The following ABCD2 variants were observed in gnomAD, a reference collection of about 807,000 sequenced individuals.
ABCD2 encodes ATP binding cassette subfamily D member 2.
A neutral mutation model predicts 70.9 loss-of-function variants in ABCD2; 36 were observed. The observed-to-expected ratio is 0.51, with a 90% CI of 0.39 to 0.67. The LOEUF (loss-of-function observed/expected upper bound fraction) is 0.67, where lower values mean the gene tolerates loss of function less well. Among genes scored for constraint, ABCD2 ranks in the 30% least tolerant of loss-of-function variants. The probability of loss-of-function intolerance (pLI) is 0.00; values close to 1 mark genes in which losing one functional copy is unlikely to be tolerated. For synonymous variants in ABCD2, 304 were observed against 306.9 expected (o/e 0.99, Z 0.10); for missense variants, 729 against 890.2 (o/e 0.82, Z 2.30).
At chr12:39,564,756 G>A (rs1297301358) in intron 9 of ABCD2, among the ~76,000 whole-genome samples, 1 of 152,082 alleles carries the variant, frequency 6.6e-6, no homozygotes, top group African/African-American at 2.4e-5. Flanking sequence ...GGTTTTTATG[G>A]TTTTAGGTCT....
At chr12:39,573,615 G>T in intron 9 of ABCD2, 101 bp downstream of exon 9, 1 of 1,292,250 alleles carries the variant, frequency 7.7e-7, no homozygotes, top group African/African-American at 1.5e-5. Flanking sequence ...TAGAAAATAA[G>T]TGAAATACCC....
At chr12:39,570,502 A>T (rs1312304945) in intron 9 of ABCD2, among the ~76,000 whole-genome samples, 2 of 152,212 alleles carry the variant, frequency 1.3e-5, no homozygotes, top group African/African-American at 4.8e-5. Context: ...AGTATCCTCA[A>T]TAAATTGTGG....
At chr12:39,611,763 T>A (rs1942047859) in intron 2 of ABCD2, among the ~76,000 whole-genome samples, 2 of 152,114 alleles carry the variant, frequency 1.3e-5, no homozygotes, top group South Asian at 4.1e-4. Context: ...AAAGGCCAGA[T>A]GTAGGGTGGG....
the ABCD2 span, among the ~76,000 whole-genome samples, chr12:39,544,468 C>T: frequency 2.0e-5 from 3 of 152,124 alleles, no homozygotes; most frequent in Non-Finnish European, 2.9e-5. Context: ...TGGGAAAGGG[C>T]TGTTACTGTC....
At chr12:39,605,345 T>A (rs1353049589) in intron 3 of ABCD2, among the ~76,000 whole-genome samples, 1 of 152,090 alleles carries the variant, frequency 6.6e-6, no homozygotes, top group Non-Finnish European at 1.5e-5. Flanking sequence ...GAAAAGTACC[T>A]TTTTGTCCTA....
At chr12:39,583,123 G>C (rs1941619747) in intron 7 of ABCD2, among the ~76,000 whole-genome samples, 1 of 152,150 alleles carries the variant, frequency 6.6e-6, no homozygotes, top group South Asian at 2.1e-4. Context: ...GCCTCCCAAA[G>C]TGCTGGGATT....
At chr12:39,566,487 AT>A (rs1210934561) in intron 9 of ABCD2, among the ~76,000 whole-genome samples, 1 of 152,070 alleles carries the variant, frequency 6.6e-6, no homozygotes, top group Non-Finnish European at 1.5e-5. Flanking sequence ...TCCCTTTATC[AT>A]TTTTTATTGC....
downstream of ABCD2, among the ~76,000 whole-genome samples, chr12:39,549,762 T>A (rs1419786657): frequency 2.6e-5 from 4 of 151,946 alleles, no homozygotes; most frequent in East Asian, 5.8e-4. Flanking sequence ...TATGTGGACT[T>A]GCATAGGCTT....
At chr12:39,586,089 T>C in intron 7 of ABCD2, 63 bp downstream of exon 7, 2 of 1,456,444 alleles carry the variant, frequency 1.4e-6, no homozygotes, top group Non-Finnish European at 1.9e-6. Context: ...AGACTAAATA[T>C]ATACCCAAGC....
At chr12:39,614,913 A>G (rs1942095583) in intron 2 of ABCD2, among the ~76,000 whole-genome samples, 1 of 152,008 alleles carries the variant, frequency 6.6e-6, no homozygotes, top group Admixed American at 6.6e-5. Context: ...AAATTCTTAC[A>G]TTACTTTTCT....
At chr12:39,607,818 A>G in intron 2 of ABCD2, 104 bp from the exon 3 acceptor site, 1 of 770,874 alleles carries the variant, frequency 1.3e-6, no homozygotes, top group East Asian at 2.8e-5. Context: ...AAACAACCAC[A>G]TATTAATTTT....
intron 6 of ABCD2, among the ~76,000 whole-genome samples, chr12:39,594,449 C>G (rs1182171220): frequency 6.6e-6 from 1 of 152,040 alleles, no homozygotes; most frequent in South Asian, 2.1e-4. Context: ...GTTCAGGATG[C>G]CTAGGACCCA....
downstream of ABCD2, among the ~76,000 whole-genome samples, chr12:39,545,300 A>AT (rs1479891269): frequency 2.6e-5 from 4 of 151,790 alleles, no homozygotes; most frequent in South Asian, 2.1e-4. Flanking sequence ...CTCAGGTAAG[A>AT]TTTTTTTTTG....
At chr12:39,598,112 C>T (rs1941844388) in intron 6 of ABCD2, among the ~76,000 whole-genome samples, 1 of 152,122 alleles carries the variant, frequency 6.6e-6, no homozygotes. Flanking sequence ...TTCTTTCTTC[C>T]GTATACTACA....
the ABCD2 span, among the ~76,000 whole-genome samples, chr12:39,535,499 T>A: frequency 9.8e-5 from 15 of 152,314 alleles, no homozygotes; most frequent in African/African-American, 3.4e-4. Context: ...TTAATTCACT[T>A]CAAATAAAGT....
intron 6 of ABCD2, among the ~76,000 whole-genome samples, chr12:39,590,887 T>C (rs928832031): frequency 1.3e-5 from 2 of 152,016 alleles, no homozygotes; most frequent in African/African-American, 4.8e-5. Flanking sequence ...AGCTTCTGAA[T>C]GACACAAAAT....
Position 39,552,512 on chromosome 12 carries a change from T to C in ABCD2, c.*1400A>G, listed in dbSNP as rs907658395. 6.6e-6 allele frequency: 1 copy of C among 151,952 alleles called. No homozygotes were observed. The highest frequency in any genetic ancestry group is 1.5e-5 in the Non-Finnish European group (1 of 67,830). The allele number at this position is 151,952 out of a possible 1,614,324, so 9.4% of individuals were successfully genotyped here. A position where few individuals can be genotyped will look rare whatever the true frequency, so the allele number is the denominator to read the frequency against. On this transcript the variant is annotated 3_prime_UTR_variant, in exon 10 of 10. Coordinates refer to ENST00000308666, the MANE Select transcript of ABCD2 (RefSeq NM_005164.4). ...AATAAAATCTATTTCATATGACTAG[T>C]CCATATAGATTATTTCTCATTATGT...
rs543649409 is a variant in ABCD2, at chr12:39,579,733, T to C, written c.1793-114A>G. 199 of 767,586 alleles carry C rather than the reference T, an allele frequency of 2.6e-4. 1 individual carries two copies. The highest frequency in any genetic ancestry group is 2.0e-3 in the Middle Eastern group (6 of 2,986). The allele number at this position is 767,586 out of a possible 1,614,324, so 47.5% of individuals were successfully genotyped here. Reference sequence around the variant, plus strand: ...CAAATTGTCAACATGAAGAACTTGGTATTTTATAGGATATATGCTTGGATA... The same window carrying C: ...CAAATTGTCAACATGAAGAACTTGGCATTTTATAGGATATATGCTTGGATA... On this transcript the variant is annotated intron_variant, in intron 7 of 9. Coordinates refer to ENST00000308666, the MANE Select transcript of ABCD2 (RefSeq NM_005164.4).
At chr12:39,587,769 C>T (rs144534291) in intron 6 of ABCD2, among the ~76,000 whole-genome samples, 5 of 152,018 alleles carry the variant, frequency 3.3e-5, no homozygotes, top group Non-Finnish European at 7.4e-5. Context: ...CCAACAAGAA[C>T]GAAGGAAGAA....
Sources: gnomAD v4.1 joint callset for allele counts (sites outside exome capture counted in the v4.1 genomes callset) on GRCh38, gnomAD v4.1.1 for gene constraint, MANE v1.5 for transcripts, NCBI Gene and HGNC (gene_info 2026-07-23, HGNC 2026-07-21) for gene names.